The following GRIP1 variants were observed in gnomAD, a reference collection of about 807,000 sequenced individuals.
GRIP1 encodes the protein glutamate receptor-interacting protein 1.
GRIP1 carries 45 observed loss-of-function variants against 129.9 expected under a neutral mutation model. That is an observed-to-expected ratio of 0.35 (90% confidence interval 0.27 to 0.44). The LOEUF (loss-of-function observed/expected upper bound fraction) is 0.44, where lower values mean the gene tolerates loss of function less well. GRIP1 is among the 20% of genes least tolerant of loss of function. The probability of loss-of-function intolerance (pLI) is 1.00; values close to 1 mark genes in which losing one functional copy is unlikely to be tolerated. For synonymous variants in GRIP1, 530 were observed against 520.8 expected, an observed-to-expected ratio of 1.02 and a Z score of -0.24; for missense variants, 1,196 against 1,396.8, an observed-to-expected ratio of 0.86 and a Z score of 2.29.
intron 1 of GRIP1, among the ~76,000 whole-genome samples, chr12:66,818,943 G>A (rs887153674): frequency 1.8e-4 from 27 of 152,140 alleles, no homozygotes; most frequent in African/African-American, 5.6e-4. Context: ...CTAATAAAAG[G>A]TGTCCCAAAA....
chr12:66,446,471 T>G (rs1249083567), intron 11 of GRIP1, among the ~76,000 whole-genome samples: 4 of 152,198 alleles, frequency 2.6e-5, no homozygotes, highest in Admixed American at 2.0e-4. Flanking sequence ...AAAGCCATTT[T>G]CTTTTACTCC....
At chr12:66,629,223 G>A (rs1285647136) in intron 1 of GRIP1, among the ~76,000 whole-genome samples, 1 of 152,178 alleles carries the variant, frequency 6.6e-6, no homozygotes, top group Non-Finnish European at 1.5e-5. Context: ...AGTACATTAG[G>A]ATATTCTTGG....
intron 1 of GRIP1, among the ~76,000 whole-genome samples, chr12:66,691,463 T>TA (rs1473408624): frequency 3.3e-5 from 5 of 152,182 alleles, no homozygotes; most frequent in African/African-American, 4.8e-5. Context: ...TACAAGGAAT[T>TA]AAAAAATACA....
At chr12:66,924,017 A>G (rs1014131729) in intron 1 of GRIP1, among the ~76,000 whole-genome samples, 1 of 151,602 alleles carries the variant, frequency 6.6e-6, no homozygotes, top group African/African-American at 2.4e-5. Context: ...GCTGATTTTT[A>G]TATTTTTAGT....
chr12:66,917,334 A>C (rs118037194), intron 1 of GRIP1, among the ~76,000 whole-genome samples: 483 of 152,318 alleles, frequency 3.2e-3, no homozygotes, highest in Non-Finnish European at 5.5e-3. Flanking sequence ...AATACAGTCC[A>C]TCTTACATAG....
intron 1 of GRIP1, among the ~76,000 whole-genome samples, chr12:66,697,792 T>C (rs2035215617): frequency 5.9e-5 from 9 of 152,184 alleles, no homozygotes; most frequent in Admixed American, 5.2e-4. Flanking sequence ...AGTGGGTTAC[T>C]CTCTTTGTAG....
In GRIP1 at chr12:66,379,325, T is replaced by A; in HGVS notation, c.2576A>T (p.Asp859Val). 1 of 1,613,988 alleles carries A rather than the reference T, an allele frequency of 6.2e-7. No individual in the cohort carries two copies. The highest frequency in any genetic ancestry group is 2.2e-5 in the East Asian group (1 of 44,884). ...CCAGTCTTCATAACTCAGCCCCACA[T>A]CTGGGTAAGTCTGGCTTCGAGGCTT... ...VTKPRSQTYP[D>V]VGLSYEDWDR... The change falls in exon 20 of 25, where the codon GAT becomes GTT. Residue 859 changes from aspartate to valine, a missense_variant. By Grantham distance (152) the Asp-to-Val change is radical (BLOSUM62 -3). Transcript: ENST00000359742.
At position 66,678,570 on chromosome 12, in the gene GRIP1, C is replaced by T. The variant is rs572591625; in HGVS notation, c.55+280G>A. On this transcript the variant is annotated intron_variant, in intron 1 of 24. Coordinates refer to ENST00000359742, the MANE Select transcript of GRIP1 (RefSeq NM_001366722.1). ...CGGTTTCCCACAATAACTTCAGCAC[C>T]GGACCCAAACACATTCTCTTTTCAG... Among the ~76,000 whole-genome samples the T allele has an allele frequency of 1.1e-4, 16 of 152,010 alleles. No individual in the cohort carries two copies. The Middle Eastern group carries it at 0.014, about 130-fold the overall frequency.
chr12:66,459,730 T>C (rs1378125409), intron 9 of GRIP1, among the ~76,000 whole-genome samples: 4 of 152,198 alleles, frequency 2.6e-5, no homozygotes, highest in African/African-American at 9.7e-5. Context: ...CTGTATGCCA[T>C]GGATGATGAA....
rs542680757 is a variant in GRIP1 at position 66,354,274 on chromosome 12, ACTC to A, written c.3013-714_3013-712del. On this transcript the variant is annotated intron_variant, in intron 23 of 24. Transcript: ENST00000359742. ...GCCAACCACAGCTGGCTAAAGCCTCACTCCTCCACCAGCCCTCACTCCTTCACC... is the reference window on the plus strand; with the variant it reads ...GCCAACCACAGCTGGCTAAAGCCTCACTCCACCAGCCCTCACTCCTTCACC... 1.6e-3 allele frequency among the ~76,000 whole-genome samples: 236 copies of A among 151,912 alleles called. 1 individual carries two copies. The highest frequency in any genetic ancestry group is 0.012 in the Admixed American group (188 of 15,232).
upstream of GRIP1, among the ~76,000 whole-genome samples, chr12:66,679,685 A>G (rs1376934664): frequency 6.6e-6 from 1 of 152,176 alleles, no homozygotes; most frequent in Non-Finnish European, 1.5e-5. Flanking sequence ...ACCCTTCCAA[A>G]AAAGGACTTG....
chr12:66,710,764 T>C (rs1352443789), intron 1 of GRIP1, among the ~76,000 whole-genome samples: 2 of 151,888 alleles, frequency 1.3e-5, no homozygotes, highest in Non-Finnish European at 2.9e-5. Flanking sequence ...AAAATATTCA[T>C]GCAATTCTTT....
intron 1 of GRIP1, among the ~76,000 whole-genome samples, chr12:66,809,424 T>C (rs894264258): frequency 6.6e-6 from 1 of 152,198 alleles, no homozygotes; most frequent in South Asian, 2.1e-4. Context: ...TTAGATTTCA[T>C]AGCATCTGCA....
chr12:67,018,181 C>A (rs571464500), intron 1 of GRIP1, among the ~76,000 whole-genome samples: 49 of 152,114 alleles, frequency 3.2e-4, no homozygotes, highest in Non-Finnish European at 5.9e-4. Flanking sequence ...GGTAGAAGAC[C>A]CCCAAAAGTC....
At chr12:66,517,659 CA>C (rs766726529) in intron 6 of GRIP1, among the ~76,000 whole-genome samples, 3 of 151,900 alleles carry the variant, frequency 2.0e-5, no homozygotes, top group Non-Finnish European at 2.9e-5. Context: ...CCTACATTTC[CA>C]ATGGTGGTGG....
chr12:66,624,487 T>A (rs1351231327), intron 1 of GRIP1, among the ~76,000 whole-genome samples: 2 of 152,126 alleles, frequency 1.3e-5, no homozygotes, highest in African/African-American at 4.8e-5. Context: ...TTACAAAATG[T>A]CTCTTGCCTC....
At chr12:67,065,141 A>T (rs1037216921) in intron 1 of GRIP1, 1 of 151,970 alleles carries the variant, frequency 6.6e-6, no homozygotes, top group African/African-American at 2.4e-5. Context: ...CTCTTTATTT[A>T]TATCTAAAGG....
chr12:66,841,769 C>T (rs17247049), intron 1 of GRIP1, among the ~76,000 whole-genome samples: 1 of 152,022 alleles, frequency 6.6e-6, no homozygotes, highest in African/African-American at 2.4e-5. Context: ...CCTAAAGAAG[C>T]CTTTATCGCT....
chr12:66,608,333 T>C (rs1675702555), intron 1 of GRIP1, among the ~76,000 whole-genome samples: 1 of 152,092 alleles, frequency 6.6e-6, no homozygotes, highest in Non-Finnish European at 1.5e-5. Flanking sequence ...GAGAGAGGTT[T>C]TTTGTTTGTT....
Sources: gnomAD v4.1 joint callset for allele counts (sites outside exome capture counted in the v4.1 genomes callset) on GRCh38, gnomAD v4.1.1 for gene constraint, MANE v1.5 for transcripts, NCBI Gene and HGNC (gene_info 2026-07-23, HGNC 2026-07-21) for gene names.